CPNE4: variants seen among roughly 807,000 people sequenced by gnomAD.
CPNE4 encodes copine 4, also known as copine-4.
In CPNE4, 25 loss-of-function variants were observed where a neutral mutation model predicts 67.9. The ratio of observed to expected loss-of-function variants is 0.37; its 90% CI spans 0.27 to 0.51. The LOEUF (loss-of-function observed/expected upper bound fraction) is 0.51, where lower values mean the gene tolerates loss of function less well. Among genes scored for constraint, CPNE4 ranks in the 20% least tolerant of loss-of-function variants. The pLI is 0.93. For synonymous variants in CPNE4, 242 were observed against 244.9 expected (o/e 0.99, Z 0.11); for missense variants, 464 against 690.8 (o/e 0.67, Z 3.68).
At chr3:132,017,463 T>G (rs1255984510) in intron 1 of CPNE4, 1 of 152,166 alleles carries the variant, frequency 6.6e-6, no homozygotes, top group African/African-American at 2.4e-5. Flanking sequence ...ACCCTTGTAT[T>G]TCTGGATCTT....
chr3:131,683,704 G>A (rs1382289887), intron 6 of CPNE4, among the ~76,000 whole-genome samples: 1 of 152,080 alleles, frequency 6.6e-6, no homozygotes, highest in Non-Finnish European at 1.5e-5. Context: ...CACTGGCTAT[G>A]AGTCCAGCAG....
chr3:131,966,744 A>C (rs2072361310), intron 1 of CPNE4, among the ~76,000 whole-genome samples: 2 of 152,122 alleles, frequency 1.3e-5, no homozygotes. Flanking sequence ...ACTACCAAAC[A>C]AACAAACAAA....
At chr3:131,977,660 T>A (rs1415118337) in intron 1 of CPNE4, among the ~76,000 whole-genome samples, 3 of 152,080 alleles carry the variant, frequency 2.0e-5, no homozygotes, top group Admixed American at 1.3e-4. Context: ...TTTTAAAAAT[T>A]TTCCTACATC....
intron 3 of CPNE4, among the ~76,000 whole-genome samples, chr3:131,702,624 C>A (rs2081329376): frequency 6.6e-6 from 1 of 152,336 alleles, no homozygotes; most frequent in South Asian, 2.1e-4. Context: ...ACCCTCTCGG[C>A]CCTATAATAG....
intron 7 of CPNE4, among the ~76,000 whole-genome samples, chr3:131,598,635 G>A (rs1170052670): frequency 6.6e-6 from 1 of 152,264 alleles, no homozygotes; most frequent in African/African-American, 2.4e-5. Context: ...ATTAGGCCGT[G>A]AATCTGGCTT....
intron 2 of CPNE4, among the ~76,000 whole-genome samples, chr3:131,814,354 C>T (rs2084646774): frequency 6.6e-6 from 1 of 152,006 alleles, no homozygotes; most frequent in East Asian, 1.9e-4. Context: ...GAGAAAACAG[C>T]ACTCTAGAGG....
chr3:131,642,075 T>C (rs1201565046), intron 7 of CPNE4, among the ~76,000 whole-genome samples: 1 of 152,124 alleles, frequency 6.6e-6, no homozygotes, highest in Non-Finnish European at 1.5e-5. Flanking sequence ...CGAGTGATGG[T>C]TGATGCACCA....
chr3:131,570,456 A>G (rs1438919846), intron 10 of CPNE4, among the ~76,000 whole-genome samples: 1 of 152,086 alleles, frequency 6.6e-6, no homozygotes, highest in Non-Finnish European at 1.5e-5. Flanking sequence ...ATCTAGCATT[A>G]GGTATATCTC....
At chr3:131,595,878 C>T (rs950591431) in intron 7 of CPNE4, among the ~76,000 whole-genome samples, 3 of 152,040 alleles carry the variant, frequency 2.0e-5, no homozygotes, top group African/African-American at 7.2e-5. Context: ...GTGAACTAAA[C>T]CAGTCATAGA....
In CPNE4 at chr3:131,909,724, G is replaced by A. The variant is rs2088906607; in HGVS notation, c.-1-4280C>T. 3.3e-5 allele frequency among the ~76,000 whole-genome samples: 5 copies of A among 152,096 alleles called. 1 individual carries two copies. In the South Asian group the frequency reaches 1.0e-3, roughly 32 times the overall value. On this transcript the variant is annotated intron_variant, in intron 1 of 15. Coordinates refer to ENST00000429747, the MANE Select transcript of CPNE4 (RefSeq NM_130808.3). Reference sequence around the variant, plus strand: ...CAATCTTATACATGTGTCAATAGTTGCCCAAGATAATTAAAAATTATCAAG... The same window carrying A: ...CAATCTTATACATGTGTCAATAGTTACCCAAGATAATTAAAAATTATCAAG...
chr3:131,589,162 C>T lies in CPNE4; in HGVS notation c.682-1580G>A, dbSNP rs563968803. Among the ~76,000 whole-genome samples, 51 of 152,214 alleles carry T rather than the reference C, an allele frequency of 3.4e-4. No individual in the cohort carries two copies. The South Asian group carries it at 6.4e-3, about 19-fold the overall frequency. On this transcript the variant is annotated intron_variant, in intron 7 of 15. Transcript: ENST00000429747. ...GCACAATTACAAGGCAAAGTCCCATCGTGTTAGGCCATCTGCAAGCTGGGA... is the reference window on the plus strand; with the variant it reads ...GCACAATTACAAGGCAAAGTCCCATTGTGTTAGGCCATCTGCAAGCTGGGA...
At chr3:131,920,723 TAACA>T (rs1344261634) in intron 1 of CPNE4, among the ~76,000 whole-genome samples, 3 of 152,086 alleles carry the variant, frequency 2.0e-5, no homozygotes, top group African/African-American at 7.2e-5. Context: ...CCTAGAAATA[TAACA>T]AATATGATCT....
intron 7 of CPNE4, among the ~76,000 whole-genome samples, chr3:131,597,301 C>T (rs566960264): frequency 6.6e-6 from 1 of 151,582 alleles, no homozygotes; most frequent in East Asian, 1.9e-4. Context: ...CACATCAGGG[C>T]CTGTTGTGGG....
chr3:131,611,502 T>A (rs918120194), intron 7 of CPNE4, among the ~76,000 whole-genome samples: 1 of 152,188 alleles, frequency 6.6e-6, no homozygotes, highest in Non-Finnish European at 1.5e-5. Context: ...GCTGTTTAGA[T>A]CTAAAGTCCC....
chr3:131,881,384 C>T (rs2087668687), intron 2 of CPNE4, among the ~76,000 whole-genome samples: 1 of 152,142 alleles, frequency 6.6e-6, no homozygotes, highest in Non-Finnish European at 1.5e-5. Flanking sequence ...TTAAACCTTC[C>T]CTAAACCACT....
chr3:132,026,448 C>A (rs2074118047), intron 1 of CPNE4, among the ~76,000 whole-genome samples: 1 of 152,164 alleles, frequency 6.6e-6, no homozygotes, highest in Admixed American at 6.5e-5. Flanking sequence ...GCCCAAGAAG[C>A]AAAGATCTTA....
intron 2 of CPNE4, among the ~76,000 whole-genome samples, chr3:131,896,774 G>GCCTTA (rs1452296506): frequency 6.6e-6 from 1 of 152,058 alleles, no homozygotes; most frequent in Non-Finnish European, 1.5e-5. Flanking sequence ...AGGCATGGAT[G>GCCTTA]CCTTACCTTA....
At chr3:131,689,719 A>C (rs1433421776) in intron 5 of CPNE4, among the ~76,000 whole-genome samples, 2 of 152,206 alleles carry the variant, frequency 1.3e-5, no homozygotes, top group Non-Finnish European at 2.9e-5. Context: ...TCGCCAGAGC[A>C]CTCAAGCAAG....
chr3:131,981,707 G>A (rs536996586), intron 1 of CPNE4, among the ~76,000 whole-genome samples: 69 of 152,302 alleles, frequency 4.5e-4, no homozygotes, highest in African/African-American at 1.6e-3. Flanking sequence ...GGATCACTGT[G>A]GTGCCAGGCA....
Sources: allele counts gnomAD v4.1 joint callset (sites outside exome capture counted in the v4.1 genomes callset), GRCh38; gene constraint gnomAD v4.1.1; transcripts MANE v1.5; gene names NCBI Gene and HGNC (gene_info 2026-07-23, HGNC 2026-07-21).